Variants in MAP2K6 observed in about 807,000 individuals in gnomAD.
The protein encoded by MAP2K6 is dual specificity mitogen-activated protein kinase kinase 6.
Under a neutral mutation model 53.7 loss-of-function variants are expected in MAP2K6, and 16 were observed. That is an observed-to-expected ratio of 0.30 (90% confidence interval 0.20 to 0.45). The LOEUF is 0.45. Among genes scored for constraint, MAP2K6 ranks in the 20% least tolerant of loss-of-function variants. The probability of loss-of-function intolerance (pLI) is 1.00; values close to 1 mark genes in which losing one functional copy is unlikely to be tolerated. For missense variants in MAP2K6, 204 were observed against 411.9 expected (o/e 0.50, Z 4.37); for synonymous variants, 132 against 143.1 (o/e 0.92, Z 0.55).
chr17:69,502,560 AGGAGCTGATATACTT>A lies in MAP2K6; in HGVS notation c.17-3216_17-3202del, dbSNP rs1434212045. ...TCTATTTTTTTTTCTTGTTGTTCTG[AGGAGCTGATATACTT>A]GGAAATATTAGGTTTAAGATATGCA... is the stretch of plus-strand genomic sequence containing the variant. On this transcript the variant is annotated intron_variant, in intron 1 of 11. Transcript: ENST00000590474. The A allele has an allele frequency of 6.1e-5, 60 of 985,258 alleles. No individual in the cohort carries two copies. The African/African-American group carries it at 1.0e-3, about 17-fold the overall frequency. The allele number at this position is 985,258 out of a possible 1,614,324, so 61.0% of individuals were successfully genotyped here.
At chr17:69,532,070 C>A (rs2144850838) in intron 10 of MAP2K6, among the ~76,000 whole-genome samples, 1 of 152,306 alleles carries the variant, frequency 6.6e-6, no homozygotes, top group African/African-American at 2.4e-5. Flanking sequence ...ATTTAAGAAG[C>A]TGTGGGCCCA....
At chr17:69,510,164 A>G (rs1909741855) in intron 2 of MAP2K6, among the ~76,000 whole-genome samples, 1 of 152,120 alleles carries the variant, frequency 6.6e-6, no homozygotes, top group Non-Finnish European at 1.5e-5. Context: ...TTTATTATGA[A>G]TGGGTATTGA....
intron 1 of MAP2K6, among the ~76,000 whole-genome samples, chr17:69,451,872 C>T (rs1907240128): frequency 6.6e-6 from 1 of 152,084 alleles, no homozygotes; most frequent in Admixed American, 6.6e-5. Flanking sequence ...GTGCCTCAGG[C>T]TGAAGGTGAT....
intron 1 of MAP2K6, among the ~76,000 whole-genome samples, chr17:69,437,607 G>A (rs541316426): frequency 6.6e-6 from 1 of 152,172 alleles, no homozygotes; most frequent in Non-Finnish European, 1.5e-5. Context: ...CCATTTTAAT[G>A]ATTTTAGAGT....
chr17:69,453,597 G>A (rs1907303915), intron 1 of MAP2K6, among the ~76,000 whole-genome samples: 1 of 152,176 alleles, frequency 6.6e-6, no homozygotes, highest in Non-Finnish European at 1.5e-5. Flanking sequence ...GAATGCATAT[G>A]TATGCATATA....
At chr17:69,511,152 T>G (rs1183992359) in intron 2 of MAP2K6, among the ~76,000 whole-genome samples, 1 of 152,176 alleles carries the variant, frequency 6.6e-6, no homozygotes, top group African/African-American at 2.4e-5. Flanking sequence ...TAAAAGCAGT[T>G]TATATTTTCC....
At chr17:69,541,607 C>G (rs1911638941) in intron 11 of MAP2K6, 69 bp from the exon 12 acceptor site, 1 of 1,183,636 alleles carries the variant, frequency 8.4e-7, no homozygotes, top group African/African-American at 1.5e-5. Context: ...CAGATCTATT[C>G]ATTTGCTAAT....
chr17:69,532,753 A>G (rs1265968071), intron 10 of MAP2K6, among the ~76,000 whole-genome samples: 3 of 152,150 alleles, frequency 2.0e-5, no homozygotes, highest in African/African-American at 7.2e-5. Context: ...TTTTCCATCT[A>G]TATTCTGCAG....
At chr17:69,464,269 A>G (rs1907724382) in intron 1 of MAP2K6, among the ~76,000 whole-genome samples, 1 of 151,962 alleles carries the variant, frequency 6.6e-6, no homozygotes, top group African/African-American at 2.4e-5. Context: ...TGGAGACAGT[A>G]ATAGTTGATT....
At chr17:69,416,521 C>T (rs1905906894) in intron 1 of MAP2K6, among the ~76,000 whole-genome samples, 1 of 152,126 alleles carries the variant, frequency 6.6e-6, no homozygotes, top group Non-Finnish European at 1.5e-5. Flanking sequence ...TAAACATTCG[C>T]TCATTCATTC....
intron 1 of MAP2K6, among the ~76,000 whole-genome samples, chr17:69,473,325 C>T (rs1010385108): frequency 2.0e-5 from 3 of 151,868 alleles, no homozygotes; most frequent in Admixed American, 6.6e-5. Context: ...AGTAAAATGC[C>T]AAGGGATAAA....
chr17:69,448,725 T>C (rs1907068116), intron 1 of MAP2K6, among the ~76,000 whole-genome samples: 1 of 152,210 alleles, frequency 6.6e-6, no homozygotes, highest in Non-Finnish European at 1.5e-5. Flanking sequence ...CGGGGCCGGA[T>C]GTCCTCCTGC....
rs918319714 is a variant in MAP2K6 at position 69,552,137 on chromosome 17, T to C, written c.*10384T>C. On this transcript the variant is annotated 3_prime_UTR_variant, in exon 12 of 12. Coordinates refer to ENST00000590474, the MANE Select transcript of MAP2K6 (RefSeq NM_002758.4). ...GTATATATGATTGATTGTTTGCCTG[T>C]TGCACCCTAAAGTTATTTTCAAACC... 1.3e-5 allele frequency: 2 copies of C among 152,232 alleles called. No homozygotes were observed. Among genetic ancestry groups the C allele is most frequent in the Non-Finnish European group, 2.9e-5 (2 of 68,038 alleles). 9.4% of individuals were successfully genotyped at this position (152,232 alleles called of 1,614,324 possible). A position where few individuals can be genotyped will look rare whatever the true frequency, so the allele number is the denominator to read the frequency against.
At chr17:69,419,982 T>C (rs1906026424) in intron 1 of MAP2K6, among the ~76,000 whole-genome samples, 2 of 152,050 alleles carry the variant, frequency 1.3e-5, no homozygotes, top group African/African-American at 4.8e-5. Flanking sequence ...AATAGCAATA[T>C]TGTAGAGGTT....
At chr17:69,436,093 A>C (rs769574532) in intron 1 of MAP2K6, among the ~76,000 whole-genome samples, 119 of 152,162 alleles carry the variant, frequency 7.8e-4, no homozygotes, top group Non-Finnish European at 1.5e-3. Flanking sequence ...AGAAGTGAAC[A>C]GCTGTCACAC....
At chr17:69,532,647 C>T (rs1160446701) in intron 10 of MAP2K6, among the ~76,000 whole-genome samples, 3 of 152,160 alleles carry the variant, frequency 2.0e-5, no homozygotes, top group Non-Finnish European at 4.4e-5. Context: ...CTATTCTTAG[C>T]CCATGTTTTG....
chr17:69,516,556 C>G (rs1451534468), intron 2 of MAP2K6, among the ~76,000 whole-genome samples: 1 of 152,170 alleles, frequency 6.6e-6, no homozygotes, highest in Non-Finnish European at 1.5e-5. Context: ...GTATGCCAGA[C>G]ATTCAGCTAA....
intron 2 of MAP2K6, among the ~76,000 whole-genome samples, chr17:69,516,506 T>C (rs1910149888): frequency 6.6e-6 from 1 of 152,310 alleles, no homozygotes; most frequent in South Asian, 2.1e-4. Context: ...CTAATCTATA[T>C]AATAGCACAT....
chr17:69,476,637 A>G (rs771495292), intron 1 of MAP2K6, among the ~76,000 whole-genome samples: 3 of 152,222 alleles, frequency 2.0e-5, no homozygotes, highest in Non-Finnish European at 4.4e-5. Flanking sequence ...CAGAGACCCT[A>G]AAGGCAGAGA....
Sources: allele counts gnomAD v4.1 joint callset (sites outside exome capture counted in the v4.1 genomes callset), GRCh38; gene constraint gnomAD v4.1.1; transcripts MANE v1.5; gene names NCBI Gene and HGNC (gene_info 2026-07-23, HGNC 2026-07-21).